Variants in PTGR1 observed in about 807,000 individuals in gnomAD.
PTGR1 encodes 15-oxoprostaglandin 13-reductase.
Under a neutral mutation model 37.7 loss-of-function variants are expected in PTGR1, and 23 were observed. The ratio of observed to expected loss-of-function variants is 0.61; its 90% CI spans 0.44 to 0.86. PTGR1 has a LOEUF of 0.86. Ranked by LOEUF, PTGR1 falls within the 40% of genes least tolerant of loss-of-function variation. PTGR1 has a pLI of 0.00. For synonymous variants in PTGR1, 134 were observed against 140.0 expected (o/e 0.96, Z 0.30); for missense variants, 351 against 394.3 (o/e 0.89, Z 0.93).
chr9:111,587,053 G>C (rs1351914481), intron 4 of PTGR1, among the ~76,000 whole-genome samples: 1 of 152,062 alleles, frequency 6.6e-6, no homozygotes, highest in Non-Finnish European at 1.5e-5. Flanking sequence ...GACCTCAGGT[G>C]ATCCACCTGC....
chr9:111,570,308 T>C (rs1828754795), intron 8 of PTGR1, 99 bp from the exon 9 acceptor site: 1 of 1,468,392 alleles, frequency 6.8e-7, no homozygotes, highest in Non-Finnish European at 9.0e-7. Flanking sequence ...GTGCTGGGAG[T>C]TTTTTGGTGC....
At chr9:111,552,890 G>C (rs1465936563) in intron 9 of PTGR1, among the ~76,000 whole-genome samples, 1 of 152,114 alleles carries the variant, frequency 6.6e-6, no homozygotes, top group Non-Finnish European at 1.5e-5. Flanking sequence ...CAGTTTTCAT[G>C]AATGTCTTTT....
chr9:111,554,391 C>T (rs1828061395), intron 9 of PTGR1, among the ~76,000 whole-genome samples: 1 of 152,150 alleles, frequency 6.6e-6, no homozygotes. Context: ...ACAGCTTTCC[C>T]CTCATTGTGG....
chr9:111,572,756 C>CAA (rs58101079), intron 8 of PTGR1, among the ~76,000 whole-genome samples: 4,188 of 61,734 alleles, frequency 0.068, 147 homozygotes, highest in East Asian at 0.16. Context: ...GACCCTGTCT[C>CAA]AAAAAAAAAA....
intron 4 of PTGR1, among the ~76,000 whole-genome samples, chr9:111,587,705 C>A (rs1195277427): frequency 2.0e-5 from 3 of 152,324 alleles, no homozygotes; most frequent in South Asian, 2.1e-4. Context: ...CTGCCTCAGC[C>A]TCCCAAAGTG....
chr9:111,594,423 C>T (rs577351949), intron 2 of PTGR1, among the ~76,000 whole-genome samples, 156 bp from the exon 3 acceptor site: 6 of 152,168 alleles, frequency 3.9e-5, no homozygotes, highest in East Asian at 3.9e-4. Flanking sequence ...CAGGATCATT[C>T]GTACACCAAA....
At chr9:111,578,733 G>C in intron 7 of PTGR1, 63 bp downstream of exon 7, 1 of 1,435,096 alleles carries the variant, frequency 7.0e-7, no homozygotes, top group Non-Finnish European at 9.4e-7. Context: ...CCAGGGGTAG[G>C]AGACTCCTGC....
intron 9 of PTGR1, chr9:111,563,451 G>T: frequency 2.4e-6 from 1 of 424,692 alleles, no homozygotes; most frequent in Non-Finnish European, 4.2e-6. Flanking sequence ...GAAATAATAG[G>T]TGTCGGATCA....
At chr9:111,594,004 G>C (rs1435253785) in intron 3 of PTGR1, among the ~76,000 whole-genome samples, 2 of 150,540 alleles carry the variant, frequency 1.3e-5, no homozygotes, top group Non-Finnish European at 3.0e-5. Context: ...GCAGATAGGA[G>C]ATGGTTGGGA....
At chr9:111,551,027 A>G (rs1827925088) in intron 9 of PTGR1, among the ~76,000 whole-genome samples, 1 of 152,220 alleles carries the variant, frequency 6.6e-6, no homozygotes, top group African/African-American at 2.4e-5. Flanking sequence ...TGTTTTAGGT[A>G]CTTCAGCACC....
chr9:111,590,672 T>G (rs1829582060), intron 4 of PTGR1, among the ~76,000 whole-genome samples: 1 of 152,226 alleles, frequency 6.6e-6, no homozygotes, highest in African/African-American at 2.4e-5. Flanking sequence ...ATGTAATTTT[T>G]CTGAAGAACA....
Position 111,569,502 on chromosome 9 carries a change from G to A in PTGR1, c.879+589C>T, listed in dbSNP as rs940705008. ...CTTGACAAAAGTTAATTTTGGCCAG[G>A]TGCGGTGGCTCACAACTGTAACCCC... On this transcript the variant is annotated intron_variant, in intron 9 of 9. Transcript: ENST00000407693. 7.2e-5 allele frequency among the ~76,000 whole-genome samples: 11 copies of A among 152,332 alleles called. 1 individual carries two copies. Among genetic ancestry groups the A allele is most frequent in the Admixed American group, 7.2e-4 (11 of 15,292 alleles).
At chr9:111,584,819 A>G (rs1260261310) in intron 5 of PTGR1, among the ~76,000 whole-genome samples, 2 of 152,218 alleles carry the variant, frequency 1.3e-5, no homozygotes, top group Non-Finnish European at 2.9e-5. Context: ...AGAAGAAAAA[A>G]GAAATCCTGA....
chr9:111,592,219 T>C (rs992801332), intron 4 of PTGR1: 1 of 152,254 alleles, frequency 6.6e-6, no homozygotes, highest in Non-Finnish European at 1.5e-5. Context: ...TATGGATTGT[T>C]TGTAACCAGC....
intron 9 of PTGR1, 101 bp downstream of exon 9, chr9:111,569,990 T>C (rs772434993): frequency 1.3e-5 from 20 of 1,555,458 alleles, no homozygotes; most frequent in African/African-American, 1.2e-4. Context: ...AAACTGACGA[T>C]GCGGCAGAGA....
intron 6 of PTGR1, among the ~76,000 whole-genome samples, chr9:111,581,938 A>G (rs1829293243): frequency 6.6e-6 from 1 of 152,190 alleles, no homozygotes; most frequent in Non-Finnish European, 1.5e-5. Flanking sequence ...TGAAGTTCAT[A>G]TACATGTATA....
At chr9:111,554,131 T>G (rs1053408190) in intron 9 of PTGR1, among the ~76,000 whole-genome samples, 3 of 152,224 alleles carry the variant, frequency 2.0e-5, no homozygotes, top group African/African-American at 7.2e-5. Context: ...ATCTGGAGAT[T>G]ATCACAACTA....
intron 2 of PTGR1, 51 bp downstream of exon 2, chr9:111,597,265 AG>A (rs1829808030): frequency 1.4e-5 from 19 of 1,368,044 alleles, no homozygotes; most frequent in Non-Finnish European, 2.0e-5. Flanking sequence ...ATGCAGCAAA[AG>A]CTAACTGATA....
chr9:111,576,597 T>C (rs190782951), intron 7 of PTGR1: 7 of 610,754 alleles, frequency 1.1e-5, no homozygotes, highest in Admixed American at 3.3e-5. Flanking sequence ...GAACCTCCTT[T>C]TGTCTTTCAT....
Sources: gnomAD v4.1 joint callset for allele counts (sites outside exome capture counted in the v4.1 genomes callset) on GRCh38, gnomAD v4.1.1 for gene constraint, MANE v1.5 for transcripts, NCBI Gene and HGNC (gene_info 2026-07-23, HGNC 2026-07-21) for gene names.